ABCA12: variants seen among roughly 807,000 people sequenced by gnomAD.
The protein encoded by ABCA12 is ATP binding cassette subfamily A member 12.
A neutral mutation model predicts 293.5 loss-of-function variants in ABCA12; 156 were observed. That is an observed-to-expected ratio of 0.53 (90% CI 0.47 to 0.61). The LOEUF (loss-of-function observed/expected upper bound fraction) is 0.61. ABCA12 is among the 20% of genes least tolerant of loss of function. The pLI is 0.00. For synonymous variants in ABCA12, 1,063 were observed against 1,108.0 expected, an observed-to-expected ratio of 0.96 and a Z score of 0.81; for missense variants, 2,797 against 3,090.2, an observed-to-expected ratio of 0.91 and a Z score of 2.25.
intron 14 of ABCA12, among the ~76,000 whole-genome samples, chr2:215,016,384 C>A (rs1192155369): frequency 6.6e-6 from 1 of 150,912 alleles, no homozygotes; most frequent in Admixed American, 6.6e-5. Context: ...GAAATCAAGA[C>A]CATCCTGGCT....
chr2:215,046,521 A>G (rs113289158), intron 6 of ABCA12, among the ~76,000 whole-genome samples: 16,646 of 141,510 alleles, frequency 0.12, 2,669 homozygotes, highest in African/African-American at 0.42. Context: ...GTGTGTGTGT[A>G]TATATATATA....
At chr2:214,953,498 C>G (rs2105930837) in intron 44 of ABCA12, among the ~76,000 whole-genome samples, 1 of 152,296 alleles carries the variant, frequency 6.6e-6, no homozygotes, top group Non-Finnish European at 1.5e-5. Flanking sequence ...ATCCTCTTTC[C>G]CCATTTCTGC....
intron 2 of ABCA12, chr2:215,075,677 A>T: frequency 6.4e-6 from 4 of 622,816 alleles, no homozygotes; most frequent in African/African-American, 1.9e-5. Context: ...TTATGTTTGG[A>T]AATCAAAATA....
At chr2:215,102,830 C>T (rs1702386147) in intron 2 of ABCA12, among the ~76,000 whole-genome samples, 1 of 152,118 alleles carries the variant, frequency 6.6e-6, no homozygotes, top group Non-Finnish European at 1.5e-5. Context: ...CATGCTAAGT[C>T]TTAGCACTGA....
At chr2:215,023,852 T>G (rs560150852) in intron 11 of ABCA12, among the ~76,000 whole-genome samples, 21 of 152,350 alleles carry the variant, frequency 1.4e-4, no homozygotes, top group African/African-American at 5.1e-4. Context: ...AGATGTCATC[T>G]CATTAGAGAT....
Position 215,054,628 on chromosome 2 carries a change from G to A in ABCA12, c.354C>T (p.Asp118=), listed in dbSNP as rs1469285635. ...GGGTGCTCTGGAATGATAAACTGCT[G>A]TCCTTATCCAGGTTGGATGACTTTC... is the stretch of plus-strand genomic sequence containing the variant. The part of the protein sequence containing the change: ...ILRKSSNLDK[D]SSLSFQSTQV... The change falls in exon 4 of 53, where the codon GAC becomes GAT. Residue 118 remains aspartate, a synonymous_variant. Transcript: ENST00000272895. 3 of 1,611,976 alleles carry A rather than the reference G, an allele frequency of 1.9e-6. No homozygotes were observed. Among genetic ancestry groups the A allele is most frequent in the African/African-American group, 2.7e-5 (2 of 74,766 alleles).
At chr2:215,093,610 G>A (rs930752981) in intron 2 of ABCA12, among the ~76,000 whole-genome samples, 26 of 152,290 alleles carry the variant, frequency 1.7e-4, no homozygotes, top group South Asian at 6.2e-4. Flanking sequence ...GTCTGCGTGC[G>A]GCAGCTGCCG....
Position 214,957,084 on chromosome 2 carries a change from G to A in ABCA12, c.6118-306C>T, listed in dbSNP as rs547146308. Among the ~76,000 whole-genome samples the A allele has an allele frequency of 5.9e-4, 90 of 152,304 alleles. 3 individuals are homozygous for A. The South Asian group carries it at 0.018, about 31-fold the overall frequency. ...TGGTTCAGTGACAGAGGTTCAGTGA[G>A]AAAGATAAGACAGCCAGGTATCTTG... On this transcript the variant is annotated intron_variant, in intron 41 of 52. Coordinates refer to ENST00000272895, the MANE Select transcript of ABCA12 (RefSeq NM_173076.3).
At chr2:214,977,862 G>A (rs759292178) in intron 33 of ABCA12, among the ~76,000 whole-genome samples, 29 of 150,540 alleles carry the variant, frequency 1.9e-4, no homozygotes, top group Non-Finnish European at 3.1e-4. Flanking sequence ...CATAAAGAGC[G>A]GCAGCTCCTT....
chr2:214,990,119 A>C (rs971982456), intron 24 of ABCA12, among the ~76,000 whole-genome samples: 7 of 152,224 alleles, frequency 4.6e-5, no homozygotes, highest in Admixed American at 1.3e-4. Flanking sequence ...ATGCTAGATA[A>C]AGTTATTCAT....
chr2:215,006,828 T>C (rs1700262537), intron 19 of ABCA12, among the ~76,000 whole-genome samples: 1 of 150,456 alleles, frequency 6.6e-6, no homozygotes, highest in Non-Finnish European at 1.5e-5. Context: ...GATTGGAACA[T>C]TTCCCCACAT....
chr2:215,053,870 C>T (rs979296256), intron 4 of ABCA12, among the ~76,000 whole-genome samples: 2 of 151,926 alleles, frequency 1.3e-5, no homozygotes, highest in Admixed American at 6.6e-5. Flanking sequence ...CGTGCTGTTT[C>T]GAGCGTTTAT....
rs201526979 is a variant in ABCA12 at position 215,064,187 on chromosome 2, C to T, written c.196G>A (p.Gly66Arg). ...AGGGTCTGCAGGAATGGAAAGAATC[C>T]AGTACTAGGAAGGTTTCGAGGTGCG... ...YLAPRNLPSTGFFPFLQTLLC... is the reference protein window; with the variant it reads ...YLAPRNLPSTRFFPFLQTLLC... Residue 66 changes from glycine to arginine, a missense_variant, in exon 3 of 53, where the codon GGA (glycine) becomes AGA (arginine). Gly to Arg is a moderately radical substitution (Grantham distance 125). Around this residue, in one of 3 missense-constraint regions of ABCA12, gnomAD observed 656 missense variants for 638.2 expected, o/e 1.03. Coordinates refer to ENST00000272895, the MANE Select transcript of ABCA12 (RefSeq NM_173076.3). The T allele has an allele frequency of 3.0e-4, 490 of 1,612,470 alleles. No homozygotes were observed. Among genetic ancestry groups the T allele is most frequent in the Non-Finnish European group, 4.0e-4 (471 of 1,179,140 alleles).
At chr2:214,941,909 C>A (rs1698417981) in intron 50 of ABCA12, among the ~76,000 whole-genome samples, 1 of 151,960 alleles carries the variant, frequency 6.6e-6, no homozygotes. Context: ...ACTCTTTATC[C>A]AATTTGCCAG....
chr2:215,087,408 T>A (rs779465612), intron 2 of ABCA12, among the ~76,000 whole-genome samples: 4 of 152,114 alleles, frequency 2.6e-5, no homozygotes, highest in Non-Finnish European at 5.9e-5. Flanking sequence ...TTTTACTATG[T>A]GCTTGTCAAC....
Position 214,989,483 on chromosome 2 carries a change from G to C in ABCA12, c.3695-20C>G, listed in dbSNP as rs1322826883. On this transcript the variant is annotated intron_variant, in intron 25 of 52. Transcript: ENST00000272895. ...GAAGACCTAAAAAGTGAACACAAGT[G>C]TTTATTCTTCTGTGACACACAGCAC... 20 of 1,613,788 alleles carry C rather than the reference G, an allele frequency of 1.2e-5. No individual in the cohort carries two copies. The East Asian group carries it at 4.2e-4, about 34-fold the overall frequency.
At position 214,932,686 on chromosome 2, in the gene ABCA12, C is replaced by T; in HGVS notation, c.7736G>A (p.Ser2579Asn). The change falls in exon 53 of 53, where the codon AGC becomes AAC. Residue 2579 changes from serine (S) to asparagine (N), a missense_variant. Around this residue, in one of 3 missense-constraint regions of ABCA12, gnomAD observed 2,130 missense variants for 2,427.0 expected, o/e 0.88. Transcript: ENST00000272895. ...GTCAACACTTATAGTGGAACCTTGG[C>T]TGCTGGTATCAGCAGTTTCATAGGA... ...QKSYETADTS[S>N]QGSTISVDSQ... 7 of 1,613,638 alleles carry T rather than the reference C, an allele frequency of 4.3e-6. No homozygotes were observed. Among genetic ancestry groups the T allele is most frequent in the Non-Finnish European group, 5.9e-6 (7 of 1,179,764 alleles).
At chr2:215,035,147 G>C (rs775566611) in intron 8 of ABCA12, among the ~76,000 whole-genome samples, 2 of 152,176 alleles carry the variant, frequency 1.3e-5, no homozygotes, top group African/African-American at 4.8e-5. Flanking sequence ...GAAATACTTA[G>C]GAGGGTTTTC....
intron 3 of ABCA12, among the ~76,000 whole-genome samples, chr2:215,060,742 A>T (rs1358946443): frequency 9.9e-5 from 15 of 152,032 alleles, no homozygotes; most frequent in Non-Finnish European, 2.1e-4. Context: ...TACACTCCTA[A>T]TAATATCTTT....
Sources: gnomAD v4.1 joint callset for allele counts (sites outside exome capture counted in the v4.1 genomes callset) on GRCh38, gnomAD v4.1.1 for gene constraint, gnomAD v4.1.1 regional missense constraint, MANE v1.5 for transcripts, NCBI Gene and HGNC (gene_info 2026-07-23, HGNC 2026-07-21) for gene names.